Variants in PYCR2 observed in about 807,000 individuals in gnomAD.
The protein encoded by PYCR2 is pyrroline-5-carboxylate reductase 2, also known as P5C reductase 2.
PYCR2 carries 17 observed loss-of-function variants against 23.4 expected under a neutral mutation model. That is an observed-to-expected ratio of 0.73 (90% CI 0.50 to 1.09). The LOEUF is 1.09. PYCR2 is among the 50% of genes least tolerant of loss of function. The pLI, the probability that PYCR2 is intolerant of heterozygous loss-of-function variation, is 0.00. For synonymous variants in PYCR2, 172 were observed against 176.6 expected (o/e 0.97, Z 0.21); for missense variants, 380 against 423.5 (o/e 0.90, Z 0.90).
rs372781135 is a variant in PYCR2 at position 225,922,043 on chromosome 1, G to A, written c.355C>T (p.Arg119Cys). 4.3e-5 allele frequency: 69 copies of A among 1,614,030 alleles called. No homozygotes were observed. The highest frequency in any genetic ancestry group is 1.6e-4 in the Middle Eastern group (1 of 6,084). Reference protein sequence around the residue: ...MAFQPAPKVIRCMTNTPVVVQ... With the variant: ...MAFQPAPKVICCMTNTPVVVQ... ...ACCACAGGTGTGTTGGTCATGCAGC[G>A]AATCACTTTGGGGGCTGGCTGGAAT... Residue 119 changes from arginine to cysteine, a missense_variant, in exon 4 of 7, where the codon CGC (arginine) becomes TGC (cysteine). Coordinates refer to ENST00000343818, the MANE Select transcript of PYCR2 (RefSeq NM_013328.4).
chr1:225,922,338 G>A lies in PYCR2; in HGVS notation c.184C>T (p.His62Tyr). 6.2e-7 allele frequency: 1 copy of A among 1,614,146 alleles called. No individual in the cohort carries two copies. Among genetic ancestry groups the A allele is most frequent in the Non-Finnish European group, 8.5e-7 (1 of 1,180,020 alleles). ...LTRSNKETVKHSDVLFLAVKP... is the reference protein window; with the variant it reads ...LTRSNKETVKYSDVLFLAVKP... ...ACAGCCAGAAACAGGACGTCGCTGT[G>A]CTTCACCGTCTCCTTGTTGCTGCGT... is the stretch of plus-strand genomic sequence containing the variant. Residue 62 changes from histidine to tyrosine, a missense_variant, in exon 3 of 7, where the codon CAC becomes TAC. Physicochemically the swap from His to Tyr is moderately conservative, Grantham distance 83. Coordinates refer to ENST00000343818, the MANE Select transcript of PYCR2 (RefSeq NM_013328.4).
rs1198307424 is a variant in PYCR2, at chr1:225,921,714, G to T, written c.541-70C>A. Reference sequence around the variant, plus strand: ...CCTTTCCTTAGGTCTGCTTTCTGATGACTAGAACTAGCTCCAAGGGTCAGC... The same window carrying T: ...CCTTTCCTTAGGTCTGCTTTCTGATTACTAGAACTAGCTCCAAGGGTCAGC... On this transcript the variant is annotated intron_variant, in intron 4 of 6. Coordinates refer to ENST00000343818, the MANE Select transcript of PYCR2 (RefSeq NM_013328.4). This position sits in a 1 kb window ranked among gnomAD's most constrained non-coding sequence, Gnocchi z 4.2. 3.1e-6 allele frequency: 5 copies of T among 1,592,980 alleles called. No homozygotes were observed. The highest frequency in any genetic ancestry group is 3.3e-5 in the Admixed American group (2 of 59,790).
In PYCR2 at chr1:225,921,104, TA is replaced by T; in HGVS notation, c.797+103del. 10 of 1,241,170 alleles carry T rather than the reference TA, an allele frequency of 8.1e-6. No homozygotes were observed. Among genetic ancestry groups the T allele is most frequent in the Non-Finnish European group, 1.1e-5 (10 of 883,388 alleles). 76.9% of individuals were successfully genotyped at this position (1,241,170 alleles called of 1,614,324 possible). On this transcript the variant is annotated intron_variant, in intron 6 of 6. Transcript: ENST00000343818. This position sits in a 1 kb window ranked among gnomAD's most constrained non-coding sequence, Gnocchi z 4.2. Reference sequence around the variant, plus strand: ...AACAGAGCACAGACTCCAACACTGCTAAATGGGACCCAAGACAGCAGGTTCC... The same window carrying T: ...AACAGAGCACAGACTCCAACACTGCTAATGGGACCCAAGACAGCAGGTTCC...
intron 6 of PYCR2, among the ~76,000 whole-genome samples, chr1:225,920,909 T>C (rs527447987): frequency 6.6e-6 from 1 of 152,340 alleles, no homozygotes; most frequent in East Asian, 1.9e-4. Context: ...CAAATTAGAA[T>C]CCTGTCTCCA....
rs541253998 is a variant in PYCR2 at position 225,924,210 on chromosome 1, G to C, written c.-100C>G. ...GCGGACAGCGCAGGGGCGAACGGGC[G>C]GCGTGCCGAGGACCGGCGAGCTAAC... is the stretch of plus-strand genomic sequence containing the variant. On this transcript the variant is annotated 5_prime_UTR_variant, in exon 1 of 7. Coordinates refer to ENST00000343818, the MANE Select transcript of PYCR2 (RefSeq NM_013328.4). The C allele has an allele frequency of 5.3e-6, 7 of 1,318,434 alleles. No individual in the cohort carries two copies. The East Asian group carries it at 1.8e-4, about 35-fold the overall frequency. 81.7% of individuals were successfully genotyped at this position (1,318,434 alleles called of 1,614,324 possible). A position where few individuals can be genotyped will look rare whatever the true frequency, so the allele number is the denominator to read the frequency against.
Position 225,924,186 on chromosome 1 carries a change from C to T in PYCR2, c.-76G>A. 1 of 1,469,834 alleles carries T rather than the reference C, an allele frequency of 6.8e-7. No homozygotes were observed. Among genetic ancestry groups the T allele is most frequent in the Non-Finnish European group, 9.1e-7 (1 of 1,101,596 alleles). 91.0% of individuals were successfully genotyped at this position (1,469,834 alleles called of 1,614,324 possible). A position where few individuals can be genotyped will look rare whatever the true frequency, so the allele number is the denominator to read the frequency against. On this transcript the variant is annotated 5_prime_UTR_variant, in exon 1 of 7. Transcript: ENST00000343818. The stretch of plus-strand genomic sequence containing the variant: ...ACCGGAAGTAACGCTAGGGGAAGGG[C>T]GGACAGCGCAGGGGCGAACGGGCGG...
chr1:225,922,989 CAACT>C (rs1671885573), intron 2 of PYCR2: 11 of 973,534 alleles, frequency 1.1e-5, no homozygotes, highest in African/African-American at 1.8e-5. Flanking sequence ...GAGAACAGAA[CAACT>C]AACTCACCAG....
At chr1:225,922,986 G>C (rs1299205790) in intron 2 of PYCR2, 1 of 971,610 alleles carries the variant, frequency 1.0e-6, no homozygotes, top group Admixed American at 6.1e-5. Flanking sequence ...TTGGAGAACA[G>C]AACAACTAAC....
rs764196861 is a variant in PYCR2, at chr1:225,922,197, T to C, written c.318+7A>G. 7 of 1,611,962 alleles carry C rather than the reference T, an allele frequency of 4.3e-6. No individual in the cohort carries two copies. Among genetic ancestry groups the C allele is most frequent in the Non-Finnish European group, 5.9e-6 (7 of 1,178,368 alleles). On this transcript the variant is annotated splice_region_variant and intron_variant, in intron 3 of 6. Coordinates refer to ENST00000343818, the MANE Select transcript of PYCR2 (RefSeq NM_013328.4). ...CACACAAGGGGCATCAGGGCTGAGATGGGCACCTTCTCCACAGAGCTGATG... is the reference window on the plus strand; with the variant it reads ...CACACAAGGGGCATCAGGGCTGAGACGGGCACCTTCTCCACAGAGCTGATG...
rs1244695261 is a variant in PYCR2, at chr1:225,921,671, G to A, written c.541-27C>T. 6.2e-7 allele frequency: 1 copy of A among 1,612,500 alleles called. No individual in the cohort carries two copies. On this transcript the variant is annotated intron_variant, in intron 4 of 6. Transcript: ENST00000343818. The surrounding 1 kb of genome is among the most constrained non-coding windows in gnomAD (Gnocchi z 4.2). ...TGTGGAGACACTCACTAAGCCCCAG[G>A]CCATAGGCACTGAAGGGCCTTTCCT...
chr1:225,920,353 A>C lies in PYCR2; in HGVS notation c.*102T>G. 1 of 1,134,838 alleles carries C rather than the reference A, an allele frequency of 8.8e-7. No individual in the cohort carries two copies. Among genetic ancestry groups the C allele is most frequent in the Non-Finnish European group, 1.2e-6 (1 of 840,686 alleles). 70.3% of individuals were successfully genotyped at this position (1,134,838 alleles called of 1,614,324 possible). ...CTTCCTAAGCATGCTTTCTCCTTGC[A>C]CAGCTGAGGAGGGGCAATGGTGGGA... On this transcript the variant is annotated 3_prime_UTR_variant, in exon 7 of 7. Transcript: ENST00000343818.
chr1:225,922,389 A>T lies in PYCR2; in HGVS notation c.139-6T>A. The stretch of plus-strand genomic sequence containing the variant: ...GTCAGGTTCACACCCATCTTCTGCA[A>T]GAGGAGACTCCCAGCTCACAGTGCT... On this transcript the variant is annotated splice_polypyrimidine_tract_variant and splice_region_variant and intron_variant, in intron 2 of 6. Transcript: ENST00000343818. The T allele has an allele frequency of 6.2e-7, 1 of 1,601,832 alleles. No individual in the cohort carries two copies. The highest frequency in any genetic ancestry group is 8.5e-7 in the Non-Finnish European group (1 of 1,173,380).
rs1671804173 is a variant in PYCR2, at chr1:225,920,387, G to GGGGGGTGGC, written c.*59_*67dup. 1 of 1,363,176 alleles carries GGGGGGTGGC rather than the reference G, an allele frequency of 7.3e-7. No homozygotes were observed. Among genetic ancestry groups the GGGGGGTGGC allele is most frequent in the Non-Finnish European group, 9.9e-7 (1 of 1,010,358 alleles). The allele number at this position is 1,363,176 out of a possible 1,614,324, so 84.4% of individuals were successfully genotyped here. ...GAGGGGCAATGGTGGGAGCGGGGCAGGGGGGTGGCAGGGGCGGCAGGGGCT... is the reference window on the plus strand; with the variant it reads ...GAGGGGCAATGGTGGGAGCGGGGCAGGGGGGTGGCGGGGGTGGCAGGGGCGGCAGGGGCT... On this transcript the variant is annotated 3_prime_UTR_variant, in exon 7 of 7. Coordinates refer to ENST00000343818, the MANE Select transcript of PYCR2 (RefSeq NM_013328.4).
In PYCR2 at chr1:225,920,234, C is replaced by G. The variant is rs1040525532; in HGVS notation, c.*221G>C. On this transcript the variant is annotated 3_prime_UTR_variant, in exon 7 of 7. Transcript: ENST00000343818. Reference sequence around the variant, plus strand: ...TGTCTGGCTTCCAGCATCTACCACCCCTTCAGAGCAACTTCCAACATGGGA... The same window carrying G: ...TGTCTGGCTTCCAGCATCTACCACCGCTTCAGAGCAACTTCCAACATGGGA... The G allele has an allele frequency of 2.8e-6, 1 of 353,652 alleles. No individual in the cohort carries two copies. Among genetic ancestry groups the G allele is most frequent in the Non-Finnish European group, 5.0e-6 (1 of 199,216 alleles). 21.9% of individuals were successfully genotyped at this position (353,652 alleles called of 1,614,324 possible).
Position 225,921,315 on chromosome 1 carries a change from A to G in PYCR2, c.690T>C (p.Asn230=), listed in dbSNP as rs752259328. 3.8e-6 allele frequency: 6 copies of G among 1,581,592 alleles called. No individual in the cohort carries two copies. In the Admixed American group the frequency reaches 8.3e-5, roughly 22 times the overall value. Residue 230 remains asparagine, a synonymous_variant, in exon 6 of 7, where the codon AAT becomes AAC. Coordinates refer to ENST00000343818, the MANE Select transcript of PYCR2 (RefSeq NM_013328.4). This position sits in a 1 kb window ranked among gnomAD's most constrained non-coding sequence, Gnocchi z 4.2. ...TGGTGGCTCCCCCAGGGGAGCAGAC[A>G]TTGTCCTTAAGCTGGCATGGATGCT... ...SEQHPCQLKD[N]VCSPGGATIH...
In PYCR2 at chr1:225,921,656, C is replaced by G; in HGVS notation, c.541-12G>C. 1.2e-6 allele frequency: 2 copies of G among 1,614,040 alleles called. No homozygotes were observed. Among genetic ancestry groups the G allele is most frequent in the Non-Finnish European group, 1.7e-6 (2 of 1,179,870 alleles). Reference sequence around the variant, plus strand: ...AGAGCCATGAATGCCTGTGGAGACACTCACTAAGCCCCAGGCCATAGGCAC... The same window carrying G: ...AGAGCCATGAATGCCTGTGGAGACAGTCACTAAGCCCCAGGCCATAGGCAC... On this transcript the variant is annotated splice_polypyrimidine_tract_variant and intron_variant, in intron 4 of 6. Transcript: ENST00000343818. This position sits in a 1 kb window ranked among gnomAD's most constrained non-coding sequence, Gnocchi z 4.2.
Position 225,921,677 on chromosome 1 carries a change from G to A in PYCR2, c.541-33C>T. 6.2e-7 allele frequency: 1 copy of A among 1,609,378 alleles called. No homozygotes were observed. The highest frequency in any genetic ancestry group is 8.5e-7 in the Non-Finnish European group (1 of 1,175,702). On this transcript the variant is annotated intron_variant, in intron 4 of 6. Transcript: ENST00000343818. The surrounding 1 kb of genome is among the most constrained non-coding windows in gnomAD (Gnocchi z 4.2). Reference sequence around the variant, plus strand: ...GACACTCACTAAGCCCCAGGCCATAGGCACTGAAGGGCCTTTCCTTAGGTC... The same window carrying A: ...GACACTCACTAAGCCCCAGGCCATAAGCACTGAAGGGCCTTTCCTTAGGTC...
Position 225,921,407 on chromosome 1 carries a change from T to C in PYCR2, c.634-36A>G. 2.0e-6 allele frequency: 3 copies of C among 1,527,142 alleles called. No homozygotes were observed. Among genetic ancestry groups the C allele is most frequent in the Non-Finnish European group, 1.8e-6 (2 of 1,105,710 alleles). 94.6% of individuals were successfully genotyped at this position (1,527,142 alleles called of 1,614,324 possible). A position where few individuals can be genotyped will look rare whatever the true frequency, so the allele number is the denominator to read the frequency against. ...GGGCACATTAGGAGAAAGTTGCTGGTGTGCGTTGGAACAGGCTTCCCATAC... is the reference window on the plus strand; with the variant it reads ...GGGCACATTAGGAGAAAGTTGCTGGCGTGCGTTGGAACAGGCTTCCCATAC... On this transcript the variant is annotated intron_variant, in intron 5 of 6. Coordinates refer to ENST00000343818, the MANE Select transcript of PYCR2 (RefSeq NM_013328.4). The surrounding 1 kb of genome is among the most constrained non-coding windows in gnomAD (Gnocchi z 4.2).
rs374767111 is a variant in PYCR2, at chr1:225,923,685, G to A, written c.138+16C>T. 21 of 1,613,698 alleles carry A rather than the reference G, an allele frequency of 1.3e-5. No individual in the cohort carries two copies. Among genetic ancestry groups the A allele is most frequent in the African/African-American group, 4.0e-5 (3 of 74,902 alleles). On this transcript the variant is annotated intron_variant, in intron 2 of 6. Transcript: ENST00000343818. ...TGGGCCTCCACCCGCTTCCCACTCC[G>A]CCCGGCTCCACCTACCCTGAGCGCG... is the stretch of plus-strand genomic sequence containing the variant.
Sources: gnomAD v4.1 joint callset for allele counts (sites outside exome capture counted in the v4.1 genomes callset) on GRCh38, gnomAD v4.1.1 for gene constraint, Gnocchi (gnomAD v3.1) non-coding constraint, MANE v1.5 for transcripts, NCBI Gene and HGNC (gene_info 2026-07-23, HGNC 2026-07-21) for gene names.